RBMS3: variants seen among roughly 807,000 people sequenced by gnomAD.
The protein encoded by RBMS3 is RNA binding motif single stranded interacting protein 3.
In RBMS3, 27 loss-of-function variants were observed where a neutral mutation model predicts 66.8. That is an observed-to-expected ratio of 0.40 (90% CI 0.30 to 0.56). The LOEUF is 0.56. RBMS3 is among the 20% of genes least tolerant of loss of function. The probability of loss-of-function intolerance (pLI) is 0.40; values close to 1 mark genes in which losing one functional copy is unlikely to be tolerated. For synonymous variants in RBMS3, 188 were observed against 183.0 expected, an observed-to-expected ratio of 1.03 and a Z score of -0.22; for missense variants, 513 against 549.5, an observed-to-expected ratio of 0.93 and a Z score of 0.66.
chr3:29,649,800 G>C (rs745993066), intron 4 of RBMS3, among the ~76,000 whole-genome samples: 1 of 152,148 alleles, frequency 6.6e-6, no homozygotes, highest in Non-Finnish European at 1.5e-5. Context: ...GTTCTCCAAA[G>C]ATAAAATTTT....
chr3:29,334,825 A>C (rs2125522296), intron 1 of RBMS3, among the ~76,000 whole-genome samples: 1 of 152,280 alleles, frequency 6.6e-6, no homozygotes, highest in Middle Eastern at 3.4e-3. Flanking sequence ...TCATGCAGAA[A>C]CTGTTCTTTA....
At chr3:29,564,685 T>C (rs2046679771) in intron 3 of RBMS3, among the ~76,000 whole-genome samples, 2 of 152,116 alleles carry the variant, frequency 1.3e-5, no homozygotes, top group Non-Finnish European at 2.9e-5. Flanking sequence ...GAGTTTGGTT[T>C]TGTCTACCTC....
chr3:29,526,437 C>A (rs1056517087), intron 3 of RBMS3: 1 of 139,508 alleles, frequency 7.2e-6, no homozygotes, highest in African/African-American at 2.7e-5. Context: ...AGGAGAATGG[C>A]GTGAACCCGG....
At chr3:29,530,552 T>A (rs1446179215) in intron 3 of RBMS3, among the ~76,000 whole-genome samples, 1 of 151,954 alleles carries the variant, frequency 6.6e-6, no homozygotes, top group East Asian at 1.9e-4. Flanking sequence ...TGCAGTTGAT[T>A]TTGGAATATA....
chr3:29,438,030 C>CTT (rs772538329), intron 2 of RBMS3, among the ~76,000 whole-genome samples: 1 of 77,264 alleles, frequency 1.3e-5, no homozygotes, highest in Non-Finnish European at 2.9e-5. Flanking sequence ...TTGCTTGTTT[C>CTT]TCTCTCTCTC....
intron 1 of RBMS3, among the ~76,000 whole-genome samples, chr3:29,434,181 G>A (rs2041312368): frequency 6.6e-6 from 1 of 152,150 alleles, no homozygotes; most frequent in South Asian, 2.1e-4. Context: ...ACGATTTTGG[G>A]AATATGAGAA....
intron 2 of RBMS3, among the ~76,000 whole-genome samples, chr3:29,451,430 A>T: frequency 6.6e-6 from 1 of 152,186 alleles, no homozygotes. Context: ...TAGTAAAGGT[A>T]AAATTTGGGG....
chr3:29,947,053 T>C (rs1695369576), intron 12 of RBMS3, among the ~76,000 whole-genome samples: 1 of 151,406 alleles, frequency 6.6e-6, no homozygotes, highest in South Asian at 2.1e-4. Flanking sequence ...AAGAAGGCAG[T>C]GGTGGATGAG....
intron 1 of RBMS3, among the ~76,000 whole-genome samples, chr3:29,397,259 A>G (rs2039594539): frequency 6.6e-6 from 1 of 152,180 alleles, no homozygotes; most frequent in African/African-American, 2.4e-5. Flanking sequence ...GCTTCTGGAT[A>G]TATGGTTTTA....
At chr3:29,682,851 T>C (rs961208369) in intron 4 of RBMS3, among the ~76,000 whole-genome samples, 1 of 152,188 alleles carries the variant, frequency 6.6e-6, no homozygotes, top group African/African-American at 2.4e-5. Flanking sequence ...TGGCAGAAAC[T>C]AGCATATTCT....
chr3:29,657,498 G>C (rs923930821), intron 4 of RBMS3, among the ~76,000 whole-genome samples: 6 of 152,192 alleles, frequency 3.9e-5, no homozygotes, highest in Admixed American at 2.6e-4. Flanking sequence ...AGTAAGCTTT[G>C]ATGGTGACAA....
chr3:29,473,879 C>T lies in RBMS3; in HGVS notation c.249-14562C>T, dbSNP rs566549954. Among the ~76,000 whole-genome samples, 87 of 152,376 alleles carry T rather than the reference C, an allele frequency of 5.7e-4. 1 individual carries two copies. Among genetic ancestry groups the T allele is most frequent in the African/African-American group, 1.8e-3 (76 of 41,596 alleles). ...GCGCAGCCCCGGTTCCCGCTCGCGC[C>T]TCTCCCTCCATACCTCTCTGCAAGC... On this transcript the variant is annotated intron_variant, in intron 2 of 14. Transcript: ENST00000383767.
chr3:29,396,607 A>C lies in RBMS3; in HGVS notation c.76-38136A>C, dbSNP rs76867188. On this transcript the variant is annotated intron_variant, in intron 1 of 14. Transcript: ENST00000383767. ...TCACTCTTGGACGGTTCAGGAAAAA[A>C]ATGTTTTTAGATAGTTAGATGGACA... 8.5e-5 allele frequency among the ~76,000 whole-genome samples: 13 copies of C among 152,290 alleles called. No individual in the cohort carries two copies. The East Asian group carries it at 2.5e-3, about 29-fold the overall frequency.
intron 4 of RBMS3, chr3:29,730,759 C>G (rs2054096089): frequency 4.8e-6 from 3 of 620,218 alleles, no homozygotes; most frequent in Admixed American, 1.3e-4. Flanking sequence ...AGTTTTGTTT[C>G]CTGTTCTCAT....
intron 7 of RBMS3, among the ~76,000 whole-genome samples, chr3:29,876,737 C>A (rs2059617749): frequency 6.6e-6 from 1 of 152,000 alleles, no homozygotes; most frequent in African/African-American, 2.4e-5. Context: ...TGGAGAATTT[C>A]CAGCCAAAAA....
At chr3:29,365,781 G>T (rs1204693700) in intron 1 of RBMS3, among the ~76,000 whole-genome samples, 5 of 152,088 alleles carry the variant, frequency 3.3e-5, no homozygotes, top group Non-Finnish European at 7.4e-5. Context: ...AATGGAAAAA[G>T]AAATCACCTT....
At chr3:29,656,936 C>T (rs1010219199) in intron 4 of RBMS3, among the ~76,000 whole-genome samples, 1 of 152,140 alleles carries the variant, frequency 6.6e-6, no homozygotes, top group Admixed American at 6.5e-5. Context: ...ATTCAGGAAA[C>T]CAAGCCTTTT....
intron 1 of RBMS3, among the ~76,000 whole-genome samples, chr3:29,306,659 A>T (rs1487598704): frequency 2.6e-5 from 4 of 151,926 alleles, no homozygotes; most frequent in Non-Finnish European, 2.9e-5. Context: ...TCATATCCAT[A>T]TACATAAGGA....
In RBMS3 at chr3:29,569,234, A is replaced by G. The variant is rs555092509; in HGVS notation, c.308-17880A>G. Among the ~76,000 whole-genome samples the G allele has an allele frequency of 5.9e-5, 9 of 152,330 alleles. No homozygotes were observed. In the South Asian group the frequency reaches 1.9e-3, roughly 32 times the overall value. On this transcript the variant is annotated intron_variant, in intron 3 of 14. Coordinates refer to ENST00000383767, the MANE Select transcript of RBMS3 (RefSeq NM_001003793.3). ...TAAACTAAACAGTTCTCTAAACTGT[A>G]TCTGAACCACCATGTCCTAGGATCC...
Sources: gnomAD v4.1 joint callset for allele counts (sites outside exome capture counted in the v4.1 genomes callset) on GRCh38, gnomAD v4.1.1 for gene constraint, MANE v1.5 for transcripts, NCBI Gene and HGNC (gene_info 2026-07-23, HGNC 2026-07-21) for gene names.